The following SLC35F3 variants were observed in gnomAD, a reference collection of about 807,000 sequenced individuals.
SLC35F3 encodes solute carrier family 35 member F3, also known as putative thiamine transporter SLC35F3.
A neutral mutation model predicts 49.9 loss-of-function variants in SLC35F3; 25 were observed. The observed-to-expected ratio is 0.50, with a 90% CI of 0.37 to 0.70. The LOEUF is 0.70. Among genes scored for constraint, SLC35F3 ranks in the 30% least tolerant of loss-of-function variants. SLC35F3 has a pLI of 0.00. For synonymous variants in SLC35F3, 275 were observed against 265.4 expected (o/e 1.04, Z -0.35); for missense variants, 525 against 639.8 (o/e 0.82, Z 1.94).
chr1:234,154,296 C>T (rs141680694), intron 2 of SLC35F3, among the ~76,000 whole-genome samples: 279 of 152,234 alleles, frequency 1.8e-3, no homozygotes, highest in Middle Eastern at 3.4e-3. Flanking sequence ...AGGAAAGGAG[C>T]TCAGATGTAA....
chr1:234,069,681 C>T (rs1323623422), intron 2 of SLC35F3, among the ~76,000 whole-genome samples: 1 of 152,222 alleles, frequency 6.6e-6, no homozygotes, highest in Non-Finnish European at 1.5e-5. Flanking sequence ...CAGCCTCCCC[C>T]AGGGTCCTCA....
chr1:233,927,677 A>G (rs1662182033), intron 2 of SLC35F3, among the ~76,000 whole-genome samples: 1 of 152,136 alleles, frequency 6.6e-6, no homozygotes, highest in Non-Finnish European at 1.5e-5. Flanking sequence ...GACACAGAAA[A>G]TTAAATAACT....
At chr1:234,045,510 A>C (rs1327248902) in intron 2 of SLC35F3, among the ~76,000 whole-genome samples, 1 of 152,150 alleles carries the variant, frequency 6.6e-6, no homozygotes, top group Admixed American at 6.6e-5. Context: ...ATCTTAAGTA[A>C]CTTGCCTAAA....
At chr1:233,908,928 T>C (rs944824703) in intron 2 of SLC35F3, among the ~76,000 whole-genome samples, 1 of 152,052 alleles carries the variant, frequency 6.6e-6, no homozygotes, top group Non-Finnish European at 1.5e-5. Context: ...CAATCTCAGC[T>C]CACTGCAACC....
At position 234,236,522 on chromosome 1, in the gene SLC35F3, A is replaced by G. The variant is rs184844228; in HGVS notation, c.608+4781A>G. ...CTCTAGGTGCCGAAGGAGAAGGTCA[A>G]GAACATTCTAAGCAGACAGTAGCCT... On this transcript the variant is annotated intron_variant, in intron 3 of 7. Transcript: ENST00000366618. Among the ~76,000 whole-genome samples, 7 of 152,312 alleles carry G rather than the reference A, an allele frequency of 4.6e-5. No homozygotes were observed. In the East Asian group the frequency reaches 1.2e-3, roughly 25 times the overall value.
intron 2 of SLC35F3, among the ~76,000 whole-genome samples, chr1:234,120,438 A>G (rs1367371790): frequency 2.0e-5 from 3 of 152,184 alleles, no homozygotes; most frequent in Admixed American, 1.3e-4. Flanking sequence ...GCATGTCCAT[A>G]TATACATTTG....
At chr1:234,258,268 C>T (rs58212650) in intron 3 of SLC35F3, among the ~76,000 whole-genome samples, 18,020 of 152,114 alleles carry the variant, frequency 0.12, 1,209 homozygotes, top group South Asian at 0.24. Flanking sequence ...AGTTCCTGGG[C>T]GGGAGTTCAC....
chr1:234,040,663 T>C (rs1011354463), intron 2 of SLC35F3, among the ~76,000 whole-genome samples: 5 of 152,234 alleles, frequency 3.3e-5, no homozygotes, highest in Admixed American at 2.6e-4. Flanking sequence ...AGCCTCATGA[T>C]TATGGTCCTG....
intron 3 of SLC35F3, among the ~76,000 whole-genome samples, chr1:234,266,838 C>A (rs1315695390): frequency 3.3e-5 from 5 of 150,152 alleles, no homozygotes; most frequent in Non-Finnish European, 7.4e-5. Context: ...TATATGCAAT[C>A]CATCATTGAC....
intron 2 of SLC35F3, among the ~76,000 whole-genome samples, chr1:234,077,452 T>A (rs539912106): frequency 7.1e-4 from 108 of 152,270 alleles, no homozygotes; most frequent in African/African-American, 2.5e-3. Flanking sequence ...GCAGAGCCCC[T>A]TATAAAACCA....
chr1:233,951,824 G>T (rs1311158967), intron 2 of SLC35F3, among the ~76,000 whole-genome samples: 1 of 151,886 alleles, frequency 6.6e-6, no homozygotes, highest in East Asian at 1.9e-4. Context: ...CTCTCCCTTG[G>T]GCCTCCCAAA....
intron 2 of SLC35F3, among the ~76,000 whole-genome samples, chr1:234,039,688 CA>C (rs1664192607): frequency 6.6e-6 from 1 of 152,178 alleles, no homozygotes; most frequent in African/African-American, 2.4e-5. Flanking sequence ...GAACCCATGA[CA>C]GGGGTGCTCC....
chr1:233,912,246 A>G (rs532191489), intron 2 of SLC35F3, among the ~76,000 whole-genome samples: 31 of 152,274 alleles, frequency 2.0e-4, no homozygotes, highest in Middle Eastern at 3.4e-3. Flanking sequence ...TTGGGAGGCC[A>G]AGGCGGGTGA....
intron 2 of SLC35F3, among the ~76,000 whole-genome samples, chr1:234,103,854 T>G (rs2102883617): frequency 6.6e-6 from 1 of 152,290 alleles, no homozygotes; most frequent in East Asian, 1.9e-4. Context: ...TTGGAAGTGA[T>G]GGATGCCACT....
intron 3 of SLC35F3, among the ~76,000 whole-genome samples, chr1:234,254,925 T>C (rs1667795299): frequency 6.6e-6 from 1 of 152,256 alleles, no homozygotes; most frequent in African/African-American, 2.4e-5. Context: ...TGATCCTGAC[T>C]TATTTAGTAC....
chr1:234,004,541 T>C (rs1485557665), intron 2 of SLC35F3, among the ~76,000 whole-genome samples: 6 of 151,632 alleles, frequency 4.0e-5, no homozygotes, highest in Non-Finnish European at 5.9e-5. Context: ...TGGAACAAAA[T>C]ATATGCTGAT....
intron 2 of SLC35F3, among the ~76,000 whole-genome samples, chr1:234,184,565 T>C (rs186101573): frequency 1.3e-5 from 2 of 152,280 alleles, no homozygotes; most frequent in Admixed American, 1.3e-4. Context: ...GCCTGATGCA[T>C]GTTGTTTTTC....
chr1:234,181,544 G>T (rs1666557548), intron 2 of SLC35F3, among the ~76,000 whole-genome samples: 1 of 152,026 alleles, frequency 6.6e-6, no homozygotes, highest in Admixed American at 6.6e-5. Flanking sequence ...TAGTTGACAG[G>T]TCTCTAAAAT....
chr1:234,234,371 CG>C (rs1237956274), intron 3 of SLC35F3, among the ~76,000 whole-genome samples: 3 of 152,102 alleles, frequency 2.0e-5, no homozygotes, highest in Non-Finnish European at 4.4e-5. Flanking sequence ...AGGGTGAAGC[CG>C]GAGCCGAGAG....
Sources: gnomAD v4.1 joint callset for allele counts (sites outside exome capture counted in the v4.1 genomes callset) on GRCh38, gnomAD v4.1.1 for gene constraint, MANE v1.5 for transcripts, NCBI Gene and HGNC (gene_info 2026-07-23, HGNC 2026-07-21) for gene names.